TMEM117: variants seen among roughly 807,000 people sequenced by gnomAD.
TMEM117 encodes transmembrane protein 117.
TMEM117 carries 27 observed loss-of-function variants against 52.4 expected under a neutral mutation model. The observed-to-expected ratio is 0.51, with a 90% CI of 0.38 to 0.71. The LOEUF is 0.71. Ranked by LOEUF, TMEM117 falls within the 30% of genes least tolerant of loss-of-function variation. TMEM117 has a pLI of 0.00. For synonymous variants in TMEM117, 215 were observed against 206.3 expected (o/e 1.04, Z -0.36); for missense variants, 556 against 630.5 (o/e 0.88, Z 1.26).
At chr12:43,995,726 T>G (rs913763984) in intron 3 of TMEM117, among the ~76,000 whole-genome samples, 2 of 152,218 alleles carry the variant, frequency 1.3e-5, no homozygotes, top group African/African-American at 4.8e-5. Context: ...TTGTATGATC[T>G]GTGGAATACT....
At chr12:43,812,003 T>G in the TMEM117 span, among the ~76,000 whole-genome samples, 3 of 152,204 alleles carry the variant, frequency 2.0e-5, no homozygotes, top group Non-Finnish European at 4.4e-5. Context: ...TACATATATC[T>G]TCTGAATTTC....
intron 2 of TMEM117, among the ~76,000 whole-genome samples, chr12:43,917,716 TTA>T (rs1210255634): frequency 6.6e-6 from 1 of 152,166 alleles, no homozygotes; most frequent in Non-Finnish European, 1.5e-5. Context: ...ACCAATTCTT[TTA>T]TATGTGTCTA....
At chr12:44,344,349 C>G (rs1951456127) in intron 6 of TMEM117, among the ~76,000 whole-genome samples, 2 of 152,148 alleles carry the variant, frequency 1.3e-5, no homozygotes, top group African/African-American at 2.4e-5. Context: ...TGCAGTTACA[C>G]TGCTTCCCAT....
At chr12:44,213,779 G>T (rs1949678336) in intron 5 of TMEM117, among the ~76,000 whole-genome samples, 1 of 152,216 alleles carries the variant, frequency 6.6e-6, no homozygotes, top group South Asian at 2.1e-4. Flanking sequence ...TTCCCCTTCA[G>T]CTGTGATTGT....
At chr12:44,132,866 G>T (rs1382885673) in intron 3 of TMEM117, among the ~76,000 whole-genome samples, 1 of 151,996 alleles carries the variant, frequency 6.6e-6, no homozygotes. Context: ...TTGAAGCAGG[G>T]GTATCTAGTT....
intron 3 of TMEM117, among the ~76,000 whole-genome samples, chr12:43,993,846 C>T (rs537822989): frequency 2.0e-4 from 31 of 152,214 alleles, no homozygotes; most frequent in African/African-American, 7.5e-4. Flanking sequence ...AGGCATGTGC[C>T]ACCCTACTCA....
intron 4 of TMEM117, among the ~76,000 whole-genome samples, chr12:44,177,519 T>A (rs1949132509): frequency 6.6e-6 from 1 of 152,166 alleles, no homozygotes; most frequent in African/African-American, 2.4e-5. Context: ...TAGAGTGAAG[T>A]GGATTGTTCA....
chr12:44,258,224 TA>T (rs1271073569), intron 5 of TMEM117, among the ~76,000 whole-genome samples: 1 of 151,866 alleles, frequency 6.6e-6, no homozygotes, highest in East Asian at 1.9e-4. Context: ...CTCCAAAGCA[TA>T]AATGACCTCC....
At chr12:44,098,708 A>C (rs954491080) in intron 3 of TMEM117, among the ~76,000 whole-genome samples, 3 of 152,066 alleles carry the variant, frequency 2.0e-5, no homozygotes, top group Admixed American at 2.0e-4. Context: ...CTTTCTTGAG[A>C]AATAGCCAGC....
intron 1 of TMEM117, among the ~76,000 whole-genome samples, chr12:43,844,276 A>G (rs543039858): frequency 2.6e-5 from 4 of 152,340 alleles, no homozygotes; most frequent in Middle Eastern, 3.4e-3. Flanking sequence ...GCAATGAGCC[A>G]TGGTTGTGCC....
At chr12:44,117,055 G>A (rs1339812767) in intron 3 of TMEM117, among the ~76,000 whole-genome samples, 1 of 152,078 alleles carries the variant, frequency 6.6e-6, no homozygotes, top group Non-Finnish European at 1.5e-5. Flanking sequence ...TCTCTCCCTT[G>A]TACTTGGCTC....
chr12:44,117,713 A>G (rs1408692413), intron 3 of TMEM117, among the ~76,000 whole-genome samples: 1 of 151,676 alleles, frequency 6.6e-6, no homozygotes, highest in African/African-American at 2.4e-5. Context: ...CTTTTATATC[A>G]TCTATATTTG....
intron 4 of TMEM117, among the ~76,000 whole-genome samples, chr12:44,208,725 G>GTTTTTT (rs5797892): frequency 2.2e-4 from 15 of 68,844 alleles, no homozygotes; most frequent in Non-Finnish European, 3.0e-4. Context: ...CAGAAAGAAT[G>GTTTTTT]TTTTTTTTTT....
chr12:43,797,552 T>A, the TMEM117 span: 1 of 1,367,414 alleles, frequency 7.3e-7, no homozygotes, highest in Admixed American at 2.5e-5. Context: ...GGAACTTAGT[T>A]CTGGATGGTT....
chr12:44,257,781 A>G (rs1256676906), intron 5 of TMEM117, among the ~76,000 whole-genome samples: 1 of 152,190 alleles, frequency 6.6e-6, no homozygotes, highest in African/African-American at 2.4e-5. Flanking sequence ...GAACAAAAAT[A>G]TATCATATGC....
intron 3 of TMEM117, among the ~76,000 whole-genome samples, chr12:43,952,643 G>A (rs1397107721): frequency 6.6e-6 from 1 of 152,160 alleles, no homozygotes; most frequent in African/African-American, 2.4e-5. Flanking sequence ...ATGGGACTAT[G>A]TAAAAAGATG....
At chr12:44,010,193 G>A (rs770881617) in intron 3 of TMEM117, 1 of 510,352 alleles carries the variant, frequency 2.0e-6, no homozygotes, top group African/African-American at 1.9e-5. Context: ...CACCCACCTG[G>A]GGCCACCTCT....
At chr12:44,137,096 CAA>C (rs201028902) in intron 3 of TMEM117, among the ~76,000 whole-genome samples, 196 of 98,356 alleles carry the variant, frequency 2.0e-3, no homozygotes, top group African/African-American at 4.9e-3. Flanking sequence ...TTTCATTTGC[CAA>C]AAAAAAAAAA....
At chr12:43,879,885 C>T (rs1175178950) in intron 2 of TMEM117, among the ~76,000 whole-genome samples, 1 of 152,130 alleles carries the variant, frequency 6.6e-6, no homozygotes, top group African/African-American at 2.4e-5. Flanking sequence ...AGGTTCCCTT[C>T]ACTTGAGCAA....
Sources: gnomAD v4.1 joint callset for allele counts (sites outside exome capture counted in the v4.1 genomes callset) on GRCh38, gnomAD v4.1.1 for gene constraint, MANE v1.5 for transcripts, NCBI Gene and HGNC (gene_info 2026-07-23, HGNC 2026-07-21) for gene names.